Variants in TENM3 observed in about 807,000 individuals in gnomAD.
TENM3 encodes teneurin transmembrane protein 3, also known as teneurin-3.
A neutral mutation model predicts 255.1 loss-of-function variants in TENM3; 63 were observed. The ratio of observed to expected loss-of-function variants is 0.25; its 90% confidence interval spans 0.20 to 0.30. The LOEUF is 0.30. Among genes scored for constraint, TENM3 ranks in the 10% least tolerant of loss-of-function variants. TENM3 has a pLI of 1.00. For missense variants in TENM3, 2,929 were observed against 3,461.1 expected, an observed-to-expected ratio of 0.85 and a Z score of 3.86; for synonymous variants, 1,306 against 1,322.3, an observed-to-expected ratio of 0.99 and a Z score of 0.27.
At chr4:181,746,807 C>T in the TENM3 span, among the ~76,000 whole-genome samples, 1 of 151,760 alleles carries the variant, frequency 6.6e-6, no homozygotes, top group Admixed American at 6.6e-5. Flanking sequence ...CACATTGCTT[C>T]CTCCCTGTTT....
chr4:182,740,157 A>G (rs1317951444), intron 18 of TENM3, among the ~76,000 whole-genome samples: 1 of 152,114 alleles, frequency 6.6e-6, no homozygotes. Context: ...TCACTATTTT[A>G]TAGCAGTATA....
intron 3 of TENM3, among the ~76,000 whole-genome samples, chr4:182,431,012 T>C (rs1771593186): frequency 1.3e-5 from 1 of 76,866 alleles, no homozygotes. Flanking sequence ...ACTCCATCTC[T>C]AAATAAATAA....
intron 3 of TENM3, among the ~76,000 whole-genome samples, chr4:182,493,094 C>G (rs1205640635): frequency 6.6e-6 from 1 of 152,004 alleles, no homozygotes; most frequent in South Asian, 2.1e-4. Context: ...ATATAAACTT[C>G]CTAGAAAATT....
At position 182,726,009 on chromosome 4, in the gene TENM3, C is replaced by T. The variant is rs1232125144; in HGVS notation, c.2369-2956C>T. On this transcript the variant is annotated intron_variant, in intron 13 of 27. Coordinates refer to ENST00000511685, the MANE Select transcript of TENM3 (RefSeq NM_001080477.4). Reference sequence around the variant, plus strand: ...ATGCAGTTTCAAATGGTTAACAACTCATTATCTTAGAAATATAACAGACAT... The same window carrying T: ...ATGCAGTTTCAAATGGTTAACAACTTATTATCTTAGAAATATAACAGACAT... Among the ~76,000 whole-genome samples, 3 of 152,090 alleles carry T rather than the reference C, an allele frequency of 2.0e-5. No homozygotes were observed. In the East Asian group the frequency reaches 5.8e-4, roughly 29 times the overall value.
At chr4:182,082,334 C>G in the TENM3 span, among the ~76,000 whole-genome samples, 1 of 152,090 alleles carries the variant, frequency 6.6e-6, no homozygotes, top group Non-Finnish European at 1.5e-5. Context: ...TCCTCATGAC[C>G]TAATCACCCC....
the TENM3 span, among the ~76,000 whole-genome samples, chr4:181,806,384 C>T: frequency 6.6e-6 from 1 of 152,212 alleles, no homozygotes; most frequent in South Asian, 2.1e-4. Flanking sequence ...GCTGTCCCCA[C>T]CCCCGGCCTA....
chr4:181,856,504 T>C, the TENM3 span, among the ~76,000 whole-genome samples: 1 of 152,250 alleles, frequency 6.6e-6, no homozygotes, highest in Non-Finnish European at 1.5e-5. Flanking sequence ...CTTGCTGATT[T>C]ATCTTCTGTA....
At chr4:181,564,888 T>A in the TENM3 span, among the ~76,000 whole-genome samples, 4 of 152,208 alleles carry the variant, frequency 2.6e-5, no homozygotes, top group Admixed American at 2.6e-4. Context: ...CTCTGTGATA[T>A]CTCAGTGGGC....
chr4:182,514,596 A>G (rs541992497), intron 3 of TENM3, among the ~76,000 whole-genome samples: 28 of 152,140 alleles, frequency 1.8e-4, no homozygotes, highest in Admixed American at 3.3e-4. Flanking sequence ...TCACAGAACA[A>G]TACGCCTTTC....
At chr4:181,971,157 C>T in the TENM3 span, among the ~76,000 whole-genome samples, 3 of 152,060 alleles carry the variant, frequency 2.0e-5, no homozygotes, top group South Asian at 6.2e-4. Context: ...TATATAAGAC[C>T]GTCACAAAAT....
the TENM3 span, among the ~76,000 whole-genome samples, chr4:181,762,552 A>AT: frequency 4.3e-4 from 66 of 152,138 alleles, no homozygotes; most frequent in African/African-American, 1.6e-3. Context: ...GGTCAACTTC[A>AT]TTTTTGGCTC....
the TENM3 span, among the ~76,000 whole-genome samples, chr4:181,865,793 G>A: frequency 2.0e-5 from 3 of 151,948 alleles, no homozygotes; most frequent in East Asian, 5.8e-4. Context: ...CTCTTCTTCC[G>A]TTTGCATTAT....
Position 182,729,019 on chromosome 4 carries a change from A to G in TENM3, c.2423A>G (p.Asn808Ser), listed in dbSNP as rs372269838. The stretch of plus-strand genomic sequence containing the variant: ...TGCTGCCTACAGAGTTCCTGCCAGA[A>G]TCAGCCCTATTGTCGGGGACTGCCG... ...PDCCLQSSCQ[N>S]QPYCRGLPDP... The change falls in exon 14 of 28, where the codon AAT becomes AGT. Residue 808 changes from asparagine to serine, a missense_variant. By Grantham distance (46) the Asn-to-Ser change is conservative (BLOSUM62 1). This residue lies in a region of TENM3 where 1,608 missense variants were observed against 1,884.4 expected (regional missense o/e 0.85). Coordinates refer to ENST00000511685, the MANE Select transcript of TENM3 (RefSeq NM_001080477.4). The G allele has an allele frequency of 1.1e-5, 18 of 1,613,892 alleles. No individual in the cohort carries two copies. The highest frequency in any genetic ancestry group is 1.4e-5 in the Non-Finnish European group (17 of 1,179,900).
chr4:182,538,195 T>G (rs1014584994), intron 3 of TENM3, among the ~76,000 whole-genome samples: 11 of 152,172 alleles, frequency 7.2e-5, no homozygotes, highest in African/African-American at 2.7e-4. Flanking sequence ...AGGAAGAGTT[T>G]GAAGAAACAA....
rs189654294 is a variant in TENM3, at chr4:182,314,130, C to G, written c.-75-9816C>G. Among the ~76,000 whole-genome samples, 9 of 152,220 alleles carry G rather than the reference C, an allele frequency of 5.9e-5. No homozygotes were observed. The East Asian group carries it at 1.4e-3, about 23-fold the overall frequency. On this transcript the variant is annotated intron_variant, in intron 1 of 27. Transcript: ENST00000511685. ...GATCGAGACCATGATGAAACCCTGT[C>G]TCTACTAAAAATACAAAAAAATTAG... is the stretch of plus-strand genomic sequence containing the variant.
At chr4:181,696,869 G>A in the TENM3 span, among the ~76,000 whole-genome samples, 1 of 152,170 alleles carries the variant, frequency 6.6e-6, no homozygotes, top group African/African-American at 2.4e-5. Context: ...CCCCACAAAG[G>A]TATAGACAAA....
the TENM3 span, among the ~76,000 whole-genome samples, chr4:181,868,545 T>C: frequency 6.6e-6 from 1 of 152,198 alleles, no homozygotes; most frequent in South Asian, 2.1e-4. Context: ...CTTAAGCCTC[T>C]ACTTGTGTTC....
chr4:182,736,866 C>T lies in TENM3; in HGVS notation c.3026C>T (p.Ser1009Phe). The T allele has an allele frequency of 6.2e-7, 1 of 1,613,652 alleles. No individual in the cohort carries two copies. Among genetic ancestry groups the T allele is most frequent in the Non-Finnish European group, 8.5e-7 (1 of 1,179,676 alleles). ...GATTTGAAACTCTCCTACTTGAGTT[C>T]CAGAGCTGCAGGGTATAAGTCAGTT... ...GTDLKLSYLS[S>F]RAAGYKSVLK... The change falls in exon 17 of 28, where the codon TCC becomes TTC. Residue 1009 changes from serine to phenylalanine, a missense_variant. Physicochemically the swap from Ser to Phe is radical, Grantham distance 155 (BLOSUM62 -2). This residue lies in a region of TENM3 where 1,608 missense variants were observed against 1,884.4 expected (regional missense o/e 0.85). Transcript: ENST00000511685.
the TENM3 span, among the ~76,000 whole-genome samples, chr4:181,806,156 CAAT>C: frequency 2.5e-4 from 38 of 152,176 alleles, no homozygotes; most frequent in Admixed American, 5.9e-4. Context: ...AGTACTTAAT[CAAT>C]AATTCGCAGT....
Sources: gnomAD v4.1 joint callset for allele counts (sites outside exome capture counted in the v4.1 genomes callset) on GRCh38, gnomAD v4.1.1 for gene constraint, gnomAD v4.1.1 regional missense constraint, MANE v1.5 for transcripts, NCBI Gene and HGNC (gene_info 2026-07-23, HGNC 2026-07-21) for gene names.